TUSC3: variants seen among roughly 807,000 people sequenced by gnomAD.
TUSC3 encodes dolichyl-diphosphooligosaccharide--protein glycosyltransferase subunit TUSC3.
In TUSC3, 45 loss-of-function variants were observed where a neutral mutation model predicts 44.8. That is an observed-to-expected ratio of 1.00 (90% CI 0.79 to 1.29). TUSC3 has a LOEUF of 1.29. Among genes scored for constraint, TUSC3 ranks in the 50% most tolerant of loss-of-function variants. TUSC3 has a pLI of 0.00. For synonymous variants in TUSC3, 212 were observed against 152.9 expected (o/e 1.39, Z -2.85); for missense variants, 519 against 437.9 (o/e 1.19, Z -1.65).
intron 1 of TUSC3, among the ~76,000 whole-genome samples, chr8:15,581,248 T>G (rs898847913): frequency 2.2e-5 from 3 of 137,750 alleles, no homozygotes; most frequent in African/African-American, 8.8e-5. Context: ...TTCAACTTCT[T>G]TGCCTTTGGT....
intron 2 of TUSC3, among the ~76,000 whole-genome samples, chr8:15,516,584 C>A (rs1563271755): frequency 6.6e-6 from 1 of 152,100 alleles, no homozygotes; most frequent in Non-Finnish European, 1.5e-5. Flanking sequence ...GAACTGAAAG[C>A]ATTTGGCCCC....
At chr8:15,598,042 T>C (rs1433899878) in intron 1 of TUSC3, among the ~76,000 whole-genome samples, 1 of 152,052 alleles carries the variant, frequency 6.6e-6, no homozygotes, top group African/African-American at 2.4e-5. Flanking sequence ...GTTTCTAGAT[T>C]CAACGTAAAT....
At chr8:15,573,983 G>A (rs1016509144) in intron 1 of TUSC3, among the ~76,000 whole-genome samples, 9 of 152,108 alleles carry the variant, frequency 5.9e-5, no homozygotes, top group East Asian at 1.9e-4. Context: ...CTTTTCTTAG[G>A]TAATTTTAGG....
At chr8:15,628,246 C>G (rs1349907824) in intron 2 of TUSC3, among the ~76,000 whole-genome samples, 2 of 151,984 alleles carry the variant, frequency 1.3e-5, no homozygotes, top group East Asian at 1.9e-4. Context: ...ATTTTATTAT[C>G]TAAGTATTTA....
the TUSC3 span, among the ~76,000 whole-genome samples, chr8:15,805,769 T>A: frequency 2.1e-3 from 322 of 152,128 alleles, 2 homozygotes; most frequent in African/African-American, 7.5e-3. Flanking sequence ...TGGCCTGTGG[T>A]TTTCCTTTTT....
the TUSC3 span, among the ~76,000 whole-genome samples, chr8:15,828,623 A>G: frequency 5.3e-5 from 8 of 152,254 alleles, no homozygotes; most frequent in African/African-American, 1.7e-4. Flanking sequence ...GGATCAAGAA[A>G]GAATAAGGTG....
intron 1 of TUSC3, among the ~76,000 whole-genome samples, chr8:15,430,168 C>T (rs1360108764): frequency 2.7e-5 from 4 of 145,820 alleles, no homozygotes; most frequent in Non-Finnish European, 6.0e-5. Context: ...GGCAGAGACA[C>T]AACAAAAAAA....
Position 15,650,594 on chromosome 8 carries a change from C to T in TUSC3, c.309-103C>T, listed in dbSNP as rs1241713924. On this transcript the variant is annotated intron_variant, in intron 2 of 10. Coordinates refer to ENST00000503731, the MANE Select transcript of TUSC3 (RefSeq NM_006765.4). ...AACTATGCTTTTCTTACAGTCTGTA[C>T]AAAAACTGGCCAGTGCTTGTCCTAG... 2.1e-5 allele frequency: 19 copies of T among 914,098 alleles called. No homozygotes were observed. The South Asian group carries it at 2.6e-4, about 13-fold the overall frequency. The allele number at this position is 914,098 out of a possible 1,614,324, so 56.6% of individuals were successfully genotyped here. A position where few individuals can be genotyped will look rare whatever the true frequency, so the allele number is the denominator to read the frequency against.
At chr8:15,676,605 A>G (rs1249695237) in intron 6 of TUSC3, among the ~76,000 whole-genome samples, 1 of 152,132 alleles carries the variant, frequency 6.6e-6, no homozygotes, top group Non-Finnish European at 1.5e-5. Flanking sequence ...TCCAGCGGAC[A>G]TTTGGTAGTG....
the TUSC3 span, among the ~76,000 whole-genome samples, chr8:15,790,297 T>C: frequency 2.0e-5 from 3 of 147,210 alleles, no homozygotes; most frequent in African/African-American, 7.5e-5. Flanking sequence ...GCGATTCTCC[T>C]GCCTCAGCCT....
intron 1 of TUSC3, among the ~76,000 whole-genome samples, chr8:15,456,944 C>T (rs781077040): frequency 3.3e-5 from 5 of 152,062 alleles, no homozygotes; most frequent in Admixed American, 6.6e-5. Flanking sequence ...CAAAGGGCAC[C>T]TTTATGAAAA....
chr8:15,835,865 A>T, the TUSC3 span, among the ~76,000 whole-genome samples: 57 of 138,246 alleles, frequency 4.1e-4, no homozygotes, highest in Non-Finnish European at 7.7e-4. Flanking sequence ...AAGAATTATA[A>T]TTTTCTGATA....
chr8:15,517,389 A>G (rs1409458901), intron 2 of TUSC3, among the ~76,000 whole-genome samples: 1 of 152,026 alleles, frequency 6.6e-6, no homozygotes, highest in Non-Finnish European at 1.5e-5. Context: ...AATCCCAATT[A>G]CACACACAGA....
intron 1 of TUSC3, among the ~76,000 whole-genome samples, chr8:15,566,407 T>G (rs1026314591): frequency 3.9e-5 from 6 of 152,122 alleles, no homozygotes; most frequent in African/African-American, 1.4e-4. Flanking sequence ...CATAGGATTA[T>G]TTTGAACATG....
At chr8:15,622,507 G>T (rs1805295232) in intron 1 of TUSC3, among the ~76,000 whole-genome samples, 1 of 152,096 alleles carries the variant, frequency 6.6e-6, no homozygotes, top group Non-Finnish European at 1.5e-5. Flanking sequence ...ATTACTAATA[G>T]CCCAGTTCCA....
chr8:15,490,970 G>A (rs553944631), intron 2 of TUSC3, among the ~76,000 whole-genome samples: 19 of 152,076 alleles, frequency 1.2e-4, no homozygotes, highest in African/African-American at 4.3e-4. Context: ...AGAGGGTCTG[G>A]GGCCCCCCCA....
chr8:15,423,527 T>A (rs927324058), intron 1 of TUSC3, among the ~76,000 whole-genome samples: 2 of 152,182 alleles, frequency 1.3e-5, no homozygotes, highest in Non-Finnish European at 2.9e-5. Context: ...TTCCGTCTTC[T>A]GGATTTGGCC....
chr8:15,821,726 C>A, the TUSC3 span, among the ~76,000 whole-genome samples: 1 of 152,054 alleles, frequency 6.6e-6, no homozygotes, highest in Admixed American at 6.6e-5. Flanking sequence ...CAATCTGCCC[C>A]CTTTTATTTG....
intron 1 of TUSC3, among the ~76,000 whole-genome samples, chr8:15,571,090 A>G (rs2129143249): frequency 6.6e-6 from 1 of 150,650 alleles, no homozygotes; most frequent in African/African-American, 2.4e-5. Flanking sequence ...AGTAGCTGGG[A>G]TTATAGGTGC....
Sources: gnomAD v4.1 joint callset for allele counts (sites outside exome capture counted in the v4.1 genomes callset) on GRCh38, gnomAD v4.1.1 for gene constraint, MANE v1.5 for transcripts, NCBI Gene and HGNC (gene_info 2026-07-23, HGNC 2026-07-21) for gene names.